The following CACNG2 variants were observed in gnomAD, a reference collection of about 807,000 sequenced individuals.
CACNG2 encodes the protein calcium voltage-gated channel auxiliary subunit gamma 2.
CACNG2 carries 3 observed loss-of-function variants against 25.9 expected under a neutral mutation model. The ratio of observed to expected loss-of-function variants is 0.12; its 90% CI spans 0.05 to 0.30. The LOEUF (loss-of-function observed/expected upper bound fraction) is 0.30, where lower values mean the gene tolerates loss of function less well. CACNG2 is among the 10% of genes least tolerant of loss of function. CACNG2 has a pLI of 1.00. For synonymous variants in CACNG2, 167 were observed against 173.3 expected (o/e 0.96, Z 0.29); for missense variants, 341 against 432.5 (o/e 0.79, Z 1.88).
At chr22:36,670,124 A>C (rs1936928117) in intron 1 of CACNG2, among the ~76,000 whole-genome samples, 1 of 152,202 alleles carries the variant, frequency 6.6e-6, no homozygotes, top group Non-Finnish European at 1.5e-5. Flanking sequence ...CATTCATTCA[A>C]AACATCGACA....
chr22:36,676,969 T>TGTGTGTGTGTGTGTGTGTGTG (rs58195961), intron 1 of CACNG2, among the ~76,000 whole-genome samples: 4 of 151,084 alleles, frequency 2.6e-5, no homozygotes, highest in Admixed American at 1.3e-4. Context: ...TGTGTGTGTG[T>TGTGTGTGTGTGTGTGTGTGTG]TTTAAAAATC....
intron 1 of CACNG2, among the ~76,000 whole-genome samples, chr22:36,663,552 A>C (rs1936830237): frequency 6.6e-6 from 1 of 151,730 alleles, no homozygotes; most frequent in Non-Finnish European, 1.5e-5. Context: ...AAGGATAGAA[A>C]AACGACTCTT....
rs141783987 is a variant in CACNG2, at chr22:36,702,857, GA to G, written c.-282del. 3.4e-3 allele frequency: 757 copies of G among 223,740 alleles called. 7 individuals are homozygous for G. Among genetic ancestry groups the G allele is most frequent in the East Asian group, 0.021 (198 of 9,490 alleles). The allele number at this position is 223,740 out of a possible 1,614,324, so 13.9% of individuals were successfully genotyped here. A position where few individuals can be genotyped will look rare whatever the true frequency, so the allele number is the denominator to read the frequency against. ...AGTGTTTTTTTTTTAAAAAGAAAAG[GA>G]AAAAAAAAATAAAAAGACACCCCCC... On this transcript the variant is annotated 5_prime_UTR_variant, in exon 1 of 4. Coordinates refer to ENST00000300105, the MANE Select transcript of CACNG2 (RefSeq NM_006078.5).
At chr22:36,696,514 G>A (rs964306825) in intron 1 of CACNG2, among the ~76,000 whole-genome samples, 2 of 152,226 alleles carry the variant, frequency 1.3e-5, no homozygotes, top group Non-Finnish European at 2.9e-5. Context: ...GTAGCAGGCA[G>A]TAGTCATGGG....
At position 36,610,757 on chromosome 22, in the gene CACNG2, C is replaced by T. The variant is rs185897127; in HGVS notation, c.212-23209G>A. On this transcript the variant is annotated intron_variant, in intron 1 of 3. Coordinates refer to ENST00000300105, the MANE Select transcript of CACNG2 (RefSeq NM_006078.5). The stretch of plus-strand genomic sequence containing the variant: ...TGAGAGAAGTTGCAGCTGATCCAGA[C>T]AGCTCAGCGAAGACCAAGGTCAGGG... Among the ~76,000 whole-genome samples, 52 of 152,316 alleles carry T rather than the reference C, an allele frequency of 3.4e-4. No homozygotes were observed. In the East Asian group the frequency reaches 9.5e-3, roughly 28 times the overall value.
chr22:36,684,314 AT>A (rs2146006879), intron 1 of CACNG2, among the ~76,000 whole-genome samples: 1 of 152,314 alleles, frequency 6.6e-6, no homozygotes, highest in South Asian at 2.1e-4. Flanking sequence ...CAGGGGATCG[AT>A]TTAAAGATAC....
At chr22:36,595,043 C>G (rs1022389139) in intron 1 of CACNG2, among the ~76,000 whole-genome samples, 15 of 144,104 alleles carry the variant, frequency 1.0e-4, no homozygotes, top group African/African-American at 3.7e-4. Context: ...ATGTATGTGT[C>G]TGTGTGTGCA....
chr22:36,607,990 G>T (rs1046165976), intron 1 of CACNG2, among the ~76,000 whole-genome samples: 1 of 152,138 alleles, frequency 6.6e-6, no homozygotes, highest in Non-Finnish European at 1.5e-5. Context: ...AAAATTTAAG[G>T]AGTCCCGTAA....
At chr22:36,629,983 C>T (rs1382286862) in intron 1 of CACNG2, among the ~76,000 whole-genome samples, 1 of 152,148 alleles carries the variant, frequency 6.6e-6, no homozygotes, top group Non-Finnish European at 1.5e-5. Context: ...TTCCATGCTG[C>T]CCCCTGCATC....
intron 1 of CACNG2, among the ~76,000 whole-genome samples, chr22:36,659,090 C>G (rs1936749976): frequency 6.6e-6 from 1 of 152,132 alleles, no homozygotes; most frequent in East Asian, 1.9e-4. Flanking sequence ...AACTGACTGC[C>G]CTTAGAAGTC....
intron 1 of CACNG2, among the ~76,000 whole-genome samples, chr22:36,625,591 C>T (rs1291417008): frequency 6.6e-6 from 1 of 152,200 alleles, no homozygotes; most frequent in African/African-American, 2.4e-5. Flanking sequence ...TAATGTATCA[C>T]ATCCAGATCA....
chr22:36,628,997 A>G (rs983811956), intron 1 of CACNG2, among the ~76,000 whole-genome samples: 1 of 150,970 alleles, frequency 6.6e-6, no homozygotes, highest in East Asian at 1.9e-4. Context: ...ATAAAAAAAA[A>G]CTGACAACTG....
chr22:36,672,708 T>C (rs1370787964), intron 1 of CACNG2, among the ~76,000 whole-genome samples: 1 of 152,140 alleles, frequency 6.6e-6, no homozygotes, highest in Non-Finnish European at 1.5e-5. Context: ...TCCCAAGGCA[T>C]CACCAACCAC....
chr22:36,565,994 C>G (rs1461284965), intron 3 of CACNG2, among the ~76,000 whole-genome samples: 1 of 152,224 alleles, frequency 6.6e-6, no homozygotes, highest in East Asian at 1.9e-4. Context: ...GGGGTTGGAA[C>G]AGCGAGGCAC....
intron 1 of CACNG2, among the ~76,000 whole-genome samples, chr22:36,613,490 G>A (rs1440132829): frequency 4.6e-5 from 7 of 152,000 alleles, no homozygotes; most frequent in Admixed American, 6.6e-5. Context: ...TTCCCTTGGC[G>A]TCTGGGTCCT....
intron 1 of CACNG2, among the ~76,000 whole-genome samples, chr22:36,687,108 A>G (rs1937211136): frequency 6.6e-6 from 1 of 152,114 alleles, no homozygotes; most frequent in African/African-American, 2.4e-5. Flanking sequence ...TGGGATGTGA[A>G]GGCAGTGGCT....
intron 1 of CACNG2, among the ~76,000 whole-genome samples, chr22:36,674,019 G>A (rs926356684): frequency 9.2e-5 from 14 of 152,188 alleles, no homozygotes; most frequent in Non-Finnish European, 1.5e-4. Context: ...GCGGGCAGCC[G>A]TCCCTCCCGC....
At chr22:36,597,919 G>T (rs933452476) in intron 1 of CACNG2, among the ~76,000 whole-genome samples, 3 of 152,210 alleles carry the variant, frequency 2.0e-5, no homozygotes, top group Non-Finnish European at 2.9e-5. Context: ...GTGTATTGTT[G>T]TTTGGGAACA....
At chr22:36,660,936 G>C (rs1215178464) in intron 1 of CACNG2, among the ~76,000 whole-genome samples, 1 of 152,340 alleles carries the variant, frequency 6.6e-6, no homozygotes, top group African/African-American at 2.4e-5. Flanking sequence ...GATTGTTACA[G>C]GATTAAATGA....
Sources: allele counts gnomAD v4.1 joint callset (sites outside exome capture counted in the v4.1 genomes callset), GRCh38; gene constraint gnomAD v4.1.1; transcripts MANE v1.5; gene names NCBI Gene and HGNC (gene_info 2026-07-23, HGNC 2026-07-21).